Variants in PPFIBP2 observed in about 807,000 individuals in gnomAD.
PPFIBP2 encodes the protein PPFIB scaffold protein 2.
A neutral mutation model predicts 118.3 loss-of-function variants in PPFIBP2; 118 were observed. The ratio of observed to expected loss-of-function variants is 1.00; its 90% CI spans 0.86 to 1.16. PPFIBP2 has a LOEUF of 1.16. Ranked by LOEUF, PPFIBP2 falls within the 50% of genes most tolerant of loss-of-function variation. The pLI is 0.00. For missense variants in PPFIBP2, 1,195 were observed against 1,073.1 expected, an observed-to-expected ratio of 1.11 and a Z score of -1.59; for synonymous variants, 414 against 397.4, an observed-to-expected ratio of 1.04 and a Z score of -0.50.
At chr11:7,652,534 G>C (rs558267555) in intron 23 of PPFIBP2, among the ~76,000 whole-genome samples, 1 of 152,316 alleles carries the variant, frequency 6.6e-6, no homozygotes, top group South Asian at 2.1e-4. Flanking sequence ...AGGGGAGCAA[G>C]ACAGGAAGTA....
At chr11:7,600,744 T>A (rs1236058300) in intron 5 of PPFIBP2, among the ~76,000 whole-genome samples, 1 of 152,232 alleles carries the variant, frequency 6.6e-6, no homozygotes, top group Admixed American at 6.5e-5. Flanking sequence ...ACATCCTGTC[T>A]GAAGGCAGCA....
intron 1 of PPFIBP2, among the ~76,000 whole-genome samples, chr11:7,518,905 C>T (rs1056657867): frequency 6.6e-6 from 1 of 152,146 alleles, no homozygotes. Context: ...AGTCAGAAGT[C>T]GTTCCTGCTG....
chr11:7,541,844 C>T (rs1216133273), intron 1 of PPFIBP2, among the ~76,000 whole-genome samples: 1 of 152,174 alleles, frequency 6.6e-6, no homozygotes, highest in East Asian at 1.9e-4. Flanking sequence ...CTGCAGGCCT[C>T]CACATTCTCT....
At position 7,653,293 on chromosome 11, in the gene PPFIBP2, T is replaced by C. The variant is rs1297025907; in HGVS notation, c.*75T>C. 1 of 1,593,054 alleles carries C rather than the reference T, an allele frequency of 6.3e-7. No individual in the cohort carries two copies. The highest frequency in any genetic ancestry group is 2.2e-5 in the East Asian group (1 of 44,550). Reference sequence around the variant, plus strand: ...GTGTGTGTCACCATATAACTGCACCTCACCCCCGCACGTGTGCATGACTCG... The same window carrying C: ...GTGTGTGTCACCATATAACTGCACCCCACCCCCGCACGTGTGCATGACTCG... On this transcript the variant is annotated 3_prime_UTR_variant, in exon 24 of 24. Transcript: ENST00000299492.
At chr11:7,572,478 A>G (rs1855758899) in intron 3 of PPFIBP2, among the ~76,000 whole-genome samples, 1 of 152,242 alleles carries the variant, frequency 6.6e-6, no homozygotes, top group Admixed American at 6.5e-5. Flanking sequence ...ACCAATGTTT[A>G]TAAATGACCA....
chr11:7,562,584 C>T (rs867249532), intron 2 of PPFIBP2, among the ~76,000 whole-genome samples: 4 of 152,278 alleles, frequency 2.6e-5, no homozygotes, highest in Non-Finnish European at 2.9e-5. Flanking sequence ...CTGACGGCTT[C>T]TTGGAGGCTG....
chr11:7,643,973 A>T (rs1852601297), intron 17 of PPFIBP2, among the ~76,000 whole-genome samples: 1 of 152,134 alleles, frequency 6.6e-6, no homozygotes, highest in Non-Finnish European at 1.5e-5. Context: ...TTACACCCAC[A>T]TCCTTGTCAG....
At chr11:7,561,129 A>G (rs1854253989) in intron 2 of PPFIBP2, among the ~76,000 whole-genome samples, 1 of 152,188 alleles carries the variant, frequency 6.6e-6, no homozygotes, top group African/African-American at 2.4e-5. Context: ...GTGCAATGGC[A>G]CAATCTCAGC....
chr11:7,641,060 T>C (rs1037657565), intron 15 of PPFIBP2: 9 of 1,277,900 alleles, frequency 7.0e-6, no homozygotes, highest in African/African-American at 1.5e-5. Context: ...AGTGCCCCCG[T>C]ATTAGGTACT....
At chr11:7,663,834 G>A in the PPFIBP2 span, among the ~76,000 whole-genome samples, 1,642 of 152,318 alleles carry the variant, frequency 0.011, 27 homozygotes, top group African/African-American at 0.037. Flanking sequence ...AGCCAGGTGC[G>A]GGATATAATC....
intron 8 of PPFIBP2, among the ~76,000 whole-genome samples, chr11:7,627,357 A>G (rs569406368): frequency 6.6e-6 from 1 of 152,162 alleles, no homozygotes; most frequent in African/African-American, 2.4e-5. Context: ...CTCCACAACT[A>G]TTTACACAAA....
chr11:7,623,795 A>C (rs1218875429), intron 7 of PPFIBP2, among the ~76,000 whole-genome samples: 1 of 152,224 alleles, frequency 6.6e-6, no homozygotes, highest in Non-Finnish European at 1.5e-5. Context: ...AGTTAAAGGA[A>C]TATCTTTCAA....
chr11:7,632,689 A>G lies in PPFIBP2; in HGVS notation c.1069-178A>G, dbSNP rs1390804263. The G allele has an allele frequency of 7.3e-6, 4 of 546,220 alleles. No homozygotes were observed. In the African/African-American group the frequency reaches 7.6e-5, roughly 10 times the overall value. The allele number at this position is 546,220 out of a possible 1,614,324, so 33.8% of individuals were successfully genotyped here. On this transcript the variant is annotated intron_variant, in intron 11 of 23. Coordinates refer to ENST00000299492, the MANE Select transcript of PPFIBP2 (RefSeq NM_003621.5). ...GCAAGCTGGCCCAGATGGACTGATA[A>G]GCCTACCACACCCCCTTGCATCTTG...
intron 1 of PPFIBP2, among the ~76,000 whole-genome samples, chr11:7,524,006 G>A (rs908410921): frequency 5.3e-5 from 8 of 152,214 alleles, no homozygotes; most frequent in African/African-American, 1.9e-4. Context: ...TGACTGCACT[G>A]ATTATCCCAA....
intron 2 of PPFIBP2, among the ~76,000 whole-genome samples, chr11:7,554,950 T>C (rs575733181): frequency 6.6e-6 from 1 of 152,282 alleles, no homozygotes; most frequent in East Asian, 1.9e-4. Flanking sequence ...TAGTTTCCAG[T>C]AGGATGTTAA....
chr11:7,556,320 TG>T (rs1853626635), intron 2 of PPFIBP2, among the ~76,000 whole-genome samples: 1 of 152,116 alleles, frequency 6.6e-6, no homozygotes, highest in Non-Finnish European at 1.5e-5. Flanking sequence ...CCGGGTGTGG[TG>T]GCGGGCACTT....
chr11:7,561,629 A>C (rs540024790), intron 2 of PPFIBP2, among the ~76,000 whole-genome samples: 3 of 152,162 alleles, frequency 2.0e-5, no homozygotes, highest in Non-Finnish European at 1.5e-5. Flanking sequence ...TGTGAGGGTA[A>C]TTCTAGCCAC....
rs528410290 is a variant in PPFIBP2 at position 7,596,772 on chromosome 11, T to C, written c.373-788T>C. On this transcript the variant is annotated intron_variant, in intron 4 of 23. Coordinates refer to ENST00000299492, the MANE Select transcript of PPFIBP2 (RefSeq NM_003621.5). The stretch of plus-strand genomic sequence containing the variant: ...TTCTCTCTCTTCTTGCTTTGAACCA[T>C]CTCTTAATAAAGAAAAAGGATCCTG... Among the ~76,000 whole-genome samples the C allele has an allele frequency of 3.0e-4, 46 of 152,320 alleles. No individual in the cohort carries two copies. In the Middle Eastern group the frequency reaches 0.027, roughly 90 times the overall value.
intron 17 of PPFIBP2, among the ~76,000 whole-genome samples, chr11:7,642,947 T>C (rs1031123524): frequency 6.6e-6 from 1 of 152,206 alleles, no homozygotes; most frequent in Non-Finnish European, 1.5e-5. Flanking sequence ...CAAACAGGTT[T>C]CTAGTCTTAC....
Sources: gnomAD v4.1 joint callset for allele counts (sites outside exome capture counted in the v4.1 genomes callset) on GRCh38, gnomAD v4.1.1 for gene constraint, MANE v1.5 for transcripts, NCBI Gene and HGNC (gene_info 2026-07-23, HGNC 2026-07-21) for gene names.